RETREG1: variants seen among roughly 807,000 people sequenced by gnomAD.
RETREG1 encodes the protein family with sequence similarity 134 member B.
RETREG1 carries 44 observed loss-of-function variants against 54.8 expected under a neutral mutation model. The ratio of observed to expected loss-of-function variants is 0.80; its 90% CI spans 0.63 to 1.03. RETREG1 has a LOEUF of 1.03. Ranked by LOEUF, RETREG1 falls within the 50% of genes least tolerant of loss-of-function variation. The pLI is 0.00. For synonymous variants in RETREG1, 217 were observed against 238.5 expected, an observed-to-expected ratio of 0.91 and a Z score of 0.83; for missense variants, 554 against 605.1, an observed-to-expected ratio of 0.92 and a Z score of 0.89.
At chr5:16,522,373 T>C (rs998839022) in intron 3 of RETREG1, among the ~76,000 whole-genome samples, 3 of 152,198 alleles carry the variant, frequency 2.0e-5, no homozygotes, top group Non-Finnish European at 4.4e-5. Flanking sequence ...TCACATGTCC[T>C]CTCAGAAACA....
At chr5:16,611,343 T>C (rs1022078407) in intron 1 of RETREG1, among the ~76,000 whole-genome samples, 4 of 152,092 alleles carry the variant, frequency 2.6e-5, no homozygotes, top group African/African-American at 9.7e-5. Flanking sequence ...ACATGGCACA[T>C]GTATACATAC....
intron 3 of RETREG1, among the ~76,000 whole-genome samples, chr5:16,506,640 C>G (rs539544268): frequency 1.3e-5 from 2 of 152,118 alleles, no homozygotes; most frequent in South Asian, 2.1e-4. Context: ...CCTGCCTTGG[C>G]CTTCCAAAGT....
At chr5:16,547,165 G>A (rs1460520851) in intron 3 of RETREG1, among the ~76,000 whole-genome samples, 1 of 152,178 alleles carries the variant, frequency 6.6e-6, no homozygotes, top group African/African-American at 2.4e-5. Flanking sequence ...AGGGAAGGTG[G>A]CCCCAAAGTT....
chr5:16,519,947 A>T (rs980348201), intron 3 of RETREG1, among the ~76,000 whole-genome samples: 1 of 152,212 alleles, frequency 6.6e-6, no homozygotes, highest in Non-Finnish European at 1.5e-5. Flanking sequence ...TTGGCCAGCG[A>T]GAGCTTCTCA....
intron 1 of RETREG1, among the ~76,000 whole-genome samples, chr5:16,581,163 G>C (rs1742466126): frequency 6.6e-6 from 1 of 152,148 alleles, no homozygotes; most frequent in Non-Finnish European, 1.5e-5. Flanking sequence ...AGGCTGGGCA[G>C]GGCCAGGGCA....
At chr5:16,588,440 T>C (rs567997548) in intron 1 of RETREG1, among the ~76,000 whole-genome samples, 6 of 152,342 alleles carry the variant, frequency 3.9e-5, no homozygotes, top group African/African-American at 1.4e-4. Flanking sequence ...TCAGGTGTGC[T>C]GAGGGTCAGG....
At chr5:16,599,358 A>G (rs1375209187) in intron 1 of RETREG1, among the ~76,000 whole-genome samples, 2 of 152,220 alleles carry the variant, frequency 1.3e-5, no homozygotes, top group African/African-American at 4.8e-5. Flanking sequence ...CTAGACACAT[A>G]TTACTACTCA....
At chr5:16,525,983 T>G (rs952426544) in intron 3 of RETREG1, among the ~76,000 whole-genome samples, 1 of 152,222 alleles carries the variant, frequency 6.6e-6, no homozygotes, top group African/African-American at 2.4e-5. Context: ...TGGATGAGGC[T>G]CATTCACACT....
At chr5:16,527,096 T>C (rs902232863) in intron 3 of RETREG1, among the ~76,000 whole-genome samples, 15 of 152,250 alleles carry the variant, frequency 9.9e-5, no homozygotes, top group African/African-American at 3.4e-4. Context: ...CTGCTTCCTT[T>C]ACCTTCCCCC....
intron 3 of RETREG1, among the ~76,000 whole-genome samples, chr5:16,533,884 C>T (rs909428919): frequency 1.3e-5 from 2 of 152,164 alleles, no homozygotes; most frequent in African/African-American, 4.8e-5. Context: ...TATCGACCAC[C>T]GTCCTCGCCA....
rs796540886 is a variant in RETREG1 at position 16,571,735 on chromosome 5, G to A, written c.427+261C>T. 3.7e-4 allele frequency among the ~76,000 whole-genome samples: 57 copies of A among 152,130 alleles called. 2 individuals are homozygous for A. Among genetic ancestry groups the A allele is most frequent in the African/African-American group, 1.2e-3 (51 of 41,476 alleles). ...TAAATATTTAACTGTTATCCTCACT[G>A]CAGCCTACTTAAATACCAACGTGGT... is the stretch of plus-strand genomic sequence containing the variant. On this transcript the variant is annotated intron_variant, in intron 2 of 8. Transcript: ENST00000306320.
At chr5:16,605,500 G>T (rs1743162985) in intron 1 of RETREG1, among the ~76,000 whole-genome samples, 1 of 152,178 alleles carries the variant, frequency 6.6e-6, no homozygotes, top group African/African-American at 2.4e-5. Flanking sequence ...AACAAGAATG[G>T]GAGGGAGTGG....
At chr5:16,497,411 T>C (rs1458327783) in intron 3 of RETREG1, among the ~76,000 whole-genome samples, 1 of 152,252 alleles carries the variant, frequency 6.6e-6, no homozygotes, top group Non-Finnish European at 1.5e-5. Flanking sequence ...AAAGCTGCTA[T>C]GTCAGATTGG....
At chr5:16,553,328 A>AG (rs201014733) in intron 3 of RETREG1, among the ~76,000 whole-genome samples, 1 of 56,260 alleles carries the variant, frequency 1.8e-5, no homozygotes, top group East Asian at 4.9e-4. Context: ...AAAACGTGTA[A>AG]GAAAAAAAAA....
intron 3 of RETREG1, among the ~76,000 whole-genome samples, chr5:16,562,956 A>T (rs1239290798): frequency 6.6e-6 from 1 of 152,010 alleles, no homozygotes; most frequent in African/African-American, 2.4e-5. Context: ...TGATTGTACC[A>T]CACCAATGTA....
chr5:16,607,839 TCTCCC>T (rs533333169), intron 1 of RETREG1, among the ~76,000 whole-genome samples: 19 of 150,266 alleles, frequency 1.3e-4, no homozygotes, highest in African/African-American at 2.2e-4. Context: ...AGCACATAAA[TCTCCC>T]CTCCCCTCCC....
chr5:16,585,116 C>T lies in RETREG1; in HGVS notation c.321-13014G>A. Among the ~76,000 whole-genome samples, 1 of 152,062 alleles carries T rather than the reference C, an allele frequency of 6.6e-6. No individual in the cohort carries two copies. The highest frequency in any genetic ancestry group is 1.5e-5 in the Non-Finnish European group (1 of 68,020). ...GAGAAATTCTGGAAGATATCAATCA[C>T]AGGGAAATGGTGGGTAGTAACAATC... On this transcript the variant is annotated intron_variant, in intron 1 of 8. Coordinates refer to ENST00000306320, the MANE Select transcript of RETREG1 (RefSeq NM_001034850.3). The surrounding 1 kb of genome is among the most constrained non-coding windows in gnomAD (Gnocchi z 4.5).
intron 3 of RETREG1, among the ~76,000 whole-genome samples, chr5:16,510,646 C>T (rs764987277): frequency 3.3e-5 from 5 of 151,502 alleles, no homozygotes; most frequent in Non-Finnish European, 5.9e-5. Flanking sequence ...AAAAATTAGC[C>T]GAGCGTGGTG....
At chr5:16,494,210 G>A (rs1028567755) in intron 3 of RETREG1, among the ~76,000 whole-genome samples, 1 of 152,108 alleles carries the variant, frequency 6.6e-6, no homozygotes. Flanking sequence ...TTGAGAATAA[G>A]CTATTATGTA....
Sources: gnomAD v4.1 joint callset for allele counts (sites outside exome capture counted in the v4.1 genomes callset) on GRCh38, gnomAD v4.1.1 for gene constraint, Gnocchi (gnomAD v3.1) non-coding constraint, MANE v1.5 for transcripts, NCBI Gene and HGNC (gene_info 2026-07-23, HGNC 2026-07-21) for gene names.